UNC13C: variants seen among roughly 807,000 people sequenced by gnomAD.
UNC13C encodes the protein unc-13 homolog C, also known as protein unc-13 homolog C.
UNC13C carries 174 observed loss-of-function variants against 245.4 expected under a neutral mutation model. That is an observed-to-expected ratio of 0.71 (90% CI 0.63 to 0.80). The LOEUF (loss-of-function observed/expected upper bound fraction) is 0.80. UNC13C is among the 30% of genes least tolerant of loss of function. The pLI is 0.00. For synonymous variants in UNC13C, 992 were observed against 895.1 expected (o/e 1.11, Z -1.93); for missense variants, 2,829 against 2,602.9 (o/e 1.09, Z -1.89).
chr15:54,488,143 G>A (rs780285229), intron 19 of UNC13C, among the ~76,000 whole-genome samples: 2 of 152,112 alleles, frequency 1.3e-5, no homozygotes, highest in Non-Finnish European at 2.9e-5. Context: ...AAGAACTCAT[G>A]ATCCCATCTA....
intron 2 of UNC13C, among the ~76,000 whole-genome samples, chr15:54,088,706 CTCTG>C (rs1899390522): frequency 2.0e-5 from 3 of 152,134 alleles, no homozygotes; most frequent in African/African-American, 7.2e-5. Flanking sequence ...CATGAGTGCT[CTCTG>C]TCTGTTTCAT....
intron 17 of UNC13C, among the ~76,000 whole-genome samples, chr15:54,366,526 T>C (rs1318925223): frequency 6.6e-6 from 1 of 152,152 alleles, no homozygotes; most frequent in Non-Finnish European, 1.5e-5. Context: ...TTTAACCCAC[T>C]GTAGTTTTTT....
At chr15:53,856,369 C>T in the UNC13C span, among the ~76,000 whole-genome samples, 1 of 134,300 alleles carries the variant, frequency 7.4e-6, no homozygotes, top group Non-Finnish European at 1.7e-5. Context: ...TCTTGGTTCT[C>T]TAGTTTTTTT....
At chr15:54,253,235 T>C (rs1376190554) in intron 8 of UNC13C, among the ~76,000 whole-genome samples, 1 of 152,224 alleles carries the variant, frequency 6.6e-6, no homozygotes, top group Non-Finnish European at 1.5e-5. Context: ...TTGTGACTTG[T>C]GCACCTTCAG....
chr15:53,979,784 C>A (rs78663359), intron 1 of UNC13C, among the ~76,000 whole-genome samples: 16,695 of 152,066 alleles, frequency 0.11, 1,344 homozygotes, highest in African/African-American at 0.22. Flanking sequence ...CTCTGCATTT[C>A]TTTAAGAAGC....
intron 19 of UNC13C, among the ~76,000 whole-genome samples, chr15:54,447,952 C>T (rs1364903807): frequency 1.3e-5 from 2 of 152,088 alleles, no homozygotes; most frequent in East Asian, 1.9e-4. Context: ...TATATGTGTC[C>T]CAGAGATTCT....
At chr15:54,153,586 T>C (rs2032617372) in intron 4 of UNC13C, among the ~76,000 whole-genome samples, 1 of 152,072 alleles carries the variant, frequency 6.6e-6, no homozygotes, top group South Asian at 2.1e-4. Context: ...TGATACAATT[T>C]TACACATCAA....
At chr15:54,360,719 C>T (rs2039211166) in intron 17 of UNC13C, among the ~76,000 whole-genome samples, 2 of 151,996 alleles carry the variant, frequency 1.3e-5, no homozygotes, top group African/African-American at 4.8e-5. Context: ...TGTATGTTTC[C>T]TGGATAGCTT....
At chr15:53,862,998 A>T in the UNC13C span, among the ~76,000 whole-genome samples, 2 of 152,168 alleles carry the variant, frequency 1.3e-5, no homozygotes, top group Non-Finnish European at 2.9e-5. Context: ...AGTCTCATCT[A>T]AATATCACCT....
chr15:54,063,297 G>A (rs28610474), intron 2 of UNC13C, among the ~76,000 whole-genome samples: 89,004 of 151,920 alleles, frequency 0.59, 29,496 homozygotes, highest in Non-Finnish European at 0.75. Flanking sequence ...TAGTTCCAAA[G>A]CAAGACACAC....
At chr15:54,398,447 T>C (rs2040115900) in intron 18 of UNC13C, among the ~76,000 whole-genome samples, 1 of 151,318 alleles carries the variant, frequency 6.6e-6, no homozygotes, top group Admixed American at 6.6e-5. Flanking sequence ...TTTATATCAA[T>C]GTAATGATGG....
chr15:54,447,041 G>C (rs181079952), intron 19 of UNC13C, among the ~76,000 whole-genome samples: 38 of 152,252 alleles, frequency 2.5e-4, no homozygotes, highest in African/African-American at 9.1e-4. Context: ...TGCCTCTATT[G>C]AGGTAATCAT....
chr15:54,181,999 T>A (rs1457647839), intron 4 of UNC13C, among the ~76,000 whole-genome samples: 1 of 151,968 alleles, frequency 6.6e-6, no homozygotes, highest in African/African-American at 2.4e-5. Flanking sequence ...GTTTGAGTTC[T>A]TCTTTGCCTA....
In UNC13C at chr15:54,533,067, G is replaced by C; in HGVS notation, c.5696+1G>C. The C allele has an allele frequency of 6.3e-7, 1 of 1,584,514 alleles. No individual in the cohort carries two copies. Among genetic ancestry groups the C allele is most frequent in the Non-Finnish European group, 8.6e-7 (1 of 1,165,046 alleles). ...CTCTTATGGATTTTTTGGACAAAAC[G>C]TAAGTTTTTTTGCCCAGTTTTCTCT... On this transcript the variant is annotated splice_donor_variant, in intron 26 of 32. Coordinates refer to ENST00000260323, the MANE Select transcript of UNC13C (RefSeq NM_001080534.3). LOFTEE classifies it high-confidence loss of function.
chr15:54,050,441 C>A (rs1254974459), intron 2 of UNC13C: 1 of 553,748 alleles, frequency 1.8e-6, no homozygotes, highest in Non-Finnish European at 3.6e-6. Flanking sequence ...CTGACCTGGG[C>A]TTGCTGAGCT....
At chr15:54,478,788 T>C (rs28539334) in intron 19 of UNC13C, among the ~76,000 whole-genome samples, 61,654 of 145,044 alleles carry the variant, frequency 0.43, 12,766 homozygotes, top group East Asian at 0.63. Flanking sequence ...GTATATTCTG[T>C]TGATTTGGGG....
rs1009038832 is a variant in UNC13C, at chr15:54,138,431, G to C, written c.2984-4587G>C. The stretch of plus-strand genomic sequence containing the variant: ...CTCAAGTCTATTTCTATATATAACT[G>C]TTTTTGTTTTTACATAGTCACCTTA... On this transcript the variant is annotated intron_variant, in intron 2 of 32. Coordinates refer to ENST00000260323, the MANE Select transcript of UNC13C (RefSeq NM_001080534.3). 1.5e-3 allele frequency among the ~76,000 whole-genome samples: 93 copies of C among 60,880 alleles called. 1 individual carries two copies. Among genetic ancestry groups the C allele is most frequent in the African/African-American group, 5.3e-3 (88 of 16,718 alleles). 39.9% of individuals were successfully genotyped at this position (60,880 alleles called of 152,430 possible). A position where few individuals can be genotyped will look rare whatever the true frequency, so the allele number is the denominator to read the frequency against.
chr15:54,435,778 A>G (rs1286155519), intron 19 of UNC13C, among the ~76,000 whole-genome samples: 1 of 151,712 alleles, frequency 6.6e-6, no homozygotes, highest in Non-Finnish European at 1.5e-5. Context: ...AACTATCATC[A>G]GAGTGAACAG....
At chr15:54,298,900 A>G (rs2037503766) in intron 12 of UNC13C, among the ~76,000 whole-genome samples, 1 of 152,196 alleles carries the variant, frequency 6.6e-6, no homozygotes, top group Non-Finnish European at 1.5e-5. Flanking sequence ...TTTTTTCTAC[A>G]TATATTCATG....
Sources: allele counts gnomAD v4.1 joint callset (sites outside exome capture counted in the v4.1 genomes callset), GRCh38; gene constraint gnomAD v4.1.1; transcripts MANE v1.5; gene names NCBI Gene and HGNC (gene_info 2026-07-23, HGNC 2026-07-21).